ARHGAP15: variants seen among roughly 807,000 people sequenced by gnomAD.
ARHGAP15 encodes the protein rho GTPase-activating protein 15.
In ARHGAP15, 51 loss-of-function variants were observed where a neutral mutation model predicts 63.7. The observed-to-expected ratio is 0.80, with a 90% CI of 0.64 to 1.01. The LOEUF (loss-of-function observed/expected upper bound fraction) is 1.01. Ranked by LOEUF, ARHGAP15 falls within the 50% of genes least tolerant of loss-of-function variation. The probability of loss-of-function intolerance (pLI) is 0.00; values close to 1 mark genes in which losing one functional copy is unlikely to be tolerated. For synonymous variants in ARHGAP15, 191 were observed against 193.8 expected (o/e 0.99, Z 0.12); for missense variants, 560 against 564.6 (o/e 0.99, Z 0.08).
intron 6 of ARHGAP15, among the ~76,000 whole-genome samples, chr2:143,434,809 G>T (rs1689537969): frequency 1.3e-5 from 2 of 152,112 alleles, no homozygotes; most frequent in African/African-American, 4.8e-5. Flanking sequence ...TGCCCGTTAT[G>T]TGTGAAACTA....
At chr2:143,671,243 T>TTTA (rs1336763830) in intron 12 of ARHGAP15, among the ~76,000 whole-genome samples, 1 of 152,142 alleles carries the variant, frequency 6.6e-6, no homozygotes, top group Non-Finnish European at 1.5e-5. Flanking sequence ...GTTAGGCTTT[T>TTTA]TTAATTAGTT....
intron 6 of ARHGAP15, among the ~76,000 whole-genome samples, chr2:143,293,643 A>G (rs1156523402): frequency 6.6e-6 from 1 of 152,024 alleles, no homozygotes; most frequent in African/African-American, 2.4e-5. Context: ...ATGATGCACA[A>G]TTTACTAAGC....
At chr2:143,576,210 C>A (rs542784692) in intron 11 of ARHGAP15, among the ~76,000 whole-genome samples, 1 of 152,228 alleles carries the variant, frequency 6.6e-6, no homozygotes, top group South Asian at 2.1e-4. Context: ...GAAGGGAATT[C>A]TTTACAAAAT....
At chr2:143,520,886 T>C (rs938990462) in intron 10 of ARHGAP15, among the ~76,000 whole-genome samples, 33 of 152,262 alleles carry the variant, frequency 2.2e-4, no homozygotes, top group African/African-American at 7.9e-4. Flanking sequence ...GCTCCATTCC[T>C]CCCGATTTAT....
intron 6 of ARHGAP15, among the ~76,000 whole-genome samples, chr2:143,282,789 A>G (rs759911029): frequency 1.3e-5 from 2 of 152,112 alleles, no homozygotes; most frequent in Non-Finnish European, 2.9e-5. Context: ...TGTTTTCACA[A>G]CTTGTACTCT....
At chr2:143,288,117 CA>C (rs1682202500) in intron 6 of ARHGAP15, among the ~76,000 whole-genome samples, 2 of 152,172 alleles carry the variant, frequency 1.3e-5, no homozygotes, top group Admixed American at 1.3e-4. Flanking sequence ...AGTGCAAGCC[CA>C]TATGGGAAAA....
rs1262727817 is a variant in ARHGAP15, at chr2:143,768,350, A to T, written c.*178A>T. 3.0e-6 allele frequency: 2 copies of T among 666,438 alleles called. No homozygotes were observed. Among genetic ancestry groups the T allele is most frequent in the African/African-American group, 1.8e-5 (1 of 54,928 alleles). 41.3% of individuals were successfully genotyped at this position (666,438 alleles called of 1,614,324 possible). Reference sequence around the variant, plus strand: ...AAACATTTGAATAAAATAATTGACAATATTTGCCTCTATGTGTTCTACATT... The same window carrying T: ...AAACATTTGAATAAAATAATTGACATTATTTGCCTCTATGTGTTCTACATT... On this transcript the variant is annotated 3_prime_UTR_variant, in exon 14 of 14. Coordinates refer to ENST00000295095, the MANE Select transcript of ARHGAP15 (RefSeq NM_018460.4).
At chr2:143,223,124 C>T (rs1693063738) in intron 4 of ARHGAP15, among the ~76,000 whole-genome samples, 1 of 151,908 alleles carries the variant, frequency 6.6e-6, no homozygotes, top group Admixed American at 6.6e-5. Context: ...TTACAGACAC[C>T]CACCACCATG....
chr2:143,688,257 G>A (rs1683438236), intron 12 of ARHGAP15, among the ~76,000 whole-genome samples: 2 of 152,050 alleles, frequency 1.3e-5, no homozygotes, highest in South Asian at 2.1e-4. Flanking sequence ...GTATTCCTAC[G>A]AAGAGAAGTA....
At chr2:143,403,316 C>T (rs1405673986) in intron 6 of ARHGAP15, among the ~76,000 whole-genome samples, 1 of 151,776 alleles carries the variant, frequency 6.6e-6, no homozygotes, top group Non-Finnish European at 1.5e-5. Flanking sequence ...CAATGCCTGT[C>T]TTCCTTAAAG....
In ARHGAP15 at chr2:143,746,057, G is replaced by A. The variant is rs1271001084; in HGVS notation, c.1245-21932G>A. On this transcript the variant is annotated intron_variant, in intron 13 of 13. Coordinates refer to ENST00000295095, the MANE Select transcript of ARHGAP15 (RefSeq NM_018460.4). ...GGTATTGTGGGTCAGTTGACCTCAC[G>A]AATTTCCACACAATTCTATATGTCA... Among the ~76,000 whole-genome samples, 6 of 152,112 alleles carry A rather than the reference G, an allele frequency of 3.9e-5. No individual in the cohort carries two copies. In the South Asian group the frequency reaches 1.2e-3, roughly 32 times the overall value.
chr2:143,245,203 G>T (rs1316782148), intron 5 of ARHGAP15, among the ~76,000 whole-genome samples: 2 of 152,174 alleles, frequency 1.3e-5, no homozygotes, highest in Non-Finnish European at 2.9e-5. Flanking sequence ...GAGGAGAAAT[G>T]ATGAGGGCCT....
At chr2:143,386,991 G>A (rs1048154426) in intron 6 of ARHGAP15, among the ~76,000 whole-genome samples, 7 of 152,168 alleles carry the variant, frequency 4.6e-5, no homozygotes, top group South Asian at 2.1e-4. Context: ...AACAGACACT[G>A]AGGCCTACTT....
At chr2:143,612,724 C>T (rs1006513723) in intron 11 of ARHGAP15, among the ~76,000 whole-genome samples, 1 of 152,200 alleles carries the variant, frequency 6.6e-6, no homozygotes, top group African/African-American at 2.4e-5. Flanking sequence ...TCCTGTATCA[C>T]TAGCAGAATG....
intron 2 of ARHGAP15, among the ~76,000 whole-genome samples, chr2:143,183,657 C>G (rs1331075456): frequency 6.6e-6 from 1 of 151,660 alleles, no homozygotes; most frequent in Non-Finnish European, 1.5e-5. Context: ...ATAGGACACT[C>G]TAAAACACTT....
At chr2:143,398,170 A>G (rs1278958083) in intron 6 of ARHGAP15, among the ~76,000 whole-genome samples, 2 of 152,136 alleles carry the variant, frequency 1.3e-5, no homozygotes, top group Non-Finnish European at 2.9e-5. Flanking sequence ...AGGTGGACTC[A>G]AGAGGTGCTG....
At chr2:143,748,701 C>T (rs1275244195) in intron 13 of ARHGAP15, among the ~76,000 whole-genome samples, 2 of 152,088 alleles carry the variant, frequency 1.3e-5, no homozygotes, top group East Asian at 3.9e-4. Context: ...TATTAACTTT[C>T]TCTCAAAATA....
chr2:143,173,371 T>G (rs1305365530), intron 2 of ARHGAP15, among the ~76,000 whole-genome samples: 1 of 152,100 alleles, frequency 6.6e-6, no homozygotes, highest in Admixed American at 6.6e-5. Flanking sequence ...ATTGTAAATG[T>G]TTTTTCGTCT....
In ARHGAP15 at chr2:143,635,301, C is replaced by T. The variant is rs559316307; in HGVS notation, c.1138+11034C>T. 1.4e-4 allele frequency among the ~76,000 whole-genome samples: 21 copies of T among 146,670 alleles called. No homozygotes were observed. The East Asian group carries it at 1.8e-3, about 13-fold the overall frequency. On this transcript the variant is annotated intron_variant, in intron 12 of 13. Coordinates refer to ENST00000295095, the MANE Select transcript of ARHGAP15 (RefSeq NM_018460.4). ...CTCCCGGACTCAAGCAATTCTCCTG[C>T]CTCAGCCCCCGAAAGTGCTGAGACT... is the stretch of plus-strand genomic sequence containing the variant.
Sources: allele counts gnomAD v4.1 joint callset (sites outside exome capture counted in the v4.1 genomes callset), GRCh38; gene constraint gnomAD v4.1.1; transcripts MANE v1.5; gene names NCBI Gene and HGNC (gene_info 2026-07-23, HGNC 2026-07-21).